Variants in SLC25A17 observed in about 807,000 individuals in gnomAD.
The protein encoded by SLC25A17 is solute carrier family 25 member 17.
A neutral mutation model predicts 38.5 loss-of-function variants in SLC25A17; 26 were observed. The observed-to-expected ratio is 0.68, with a 90% CI of 0.50 to 0.94. The LOEUF is 0.94. SLC25A17 is among the 40% of genes least tolerant of loss of function. The probability of loss-of-function intolerance (pLI) is 0.00; values close to 1 mark genes in which losing one functional copy is unlikely to be tolerated. For synonymous variants in SLC25A17, 139 were observed against 136.2 expected, an observed-to-expected ratio of 1.02 and a Z score of -0.14; for missense variants, 333 against 372.7, an observed-to-expected ratio of 0.89 and a Z score of 0.88.
chr22:40,817,017 C>A (rs1343680499), intron 1 of SLC25A17, among the ~76,000 whole-genome samples: 1 of 152,198 alleles, frequency 6.6e-6, no homozygotes, highest in Non-Finnish European at 1.5e-5. Context: ...ACATAGAATG[C>A]ACTCAATAAA....
At position 40,770,699 on chromosome 22, in the gene SLC25A17, C is replaced by T. The variant is rs913590523; in HGVS notation, c.*135G>A. On this transcript the variant is annotated 3_prime_UTR_variant, in exon 9 of 9. Coordinates refer to ENST00000435456, the MANE Select transcript of SLC25A17 (RefSeq NM_006358.4). ...TCCAGTTGGCCATACTCCCTGTGCACCCTTGGATGCTTTTCAAGCCAATGA... is the reference window on the plus strand; with the variant it reads ...TCCAGTTGGCCATACTCCCTGTGCATCCTTGGATGCTTTTCAAGCCAATGA... The T allele has an allele frequency of 3.3e-6, 3 of 905,414 alleles. No individual in the cohort carries two copies. The highest frequency in any genetic ancestry group is 4.7e-6 in the Non-Finnish European group (3 of 632,086). 56.1% of individuals were successfully genotyped at this position (905,414 alleles called of 1,614,324 possible). A position where few individuals can be genotyped will look rare whatever the true frequency, so the allele number is the denominator to read the frequency against.
intron 1 of SLC25A17, among the ~76,000 whole-genome samples, chr22:40,803,562 G>A (rs1293400076): frequency 6.6e-6 from 1 of 152,158 alleles, no homozygotes; most frequent in East Asian, 1.9e-4. Context: ...CTGTAGATAA[G>A]CATTGATTCC....
intron 7 of SLC25A17, among the ~76,000 whole-genome samples, chr22:40,775,896 G>A (rs1370792949): frequency 2.0e-5 from 3 of 152,180 alleles, no homozygotes; most frequent in African/African-American, 7.2e-5. Flanking sequence ...TGAAATGTGA[G>A]TCAATTAAAC....
At chr22:40,773,277 G>T (rs1172254119) in intron 8 of SLC25A17, among the ~76,000 whole-genome samples, 1 of 152,050 alleles carries the variant, frequency 6.6e-6, no homozygotes, top group Non-Finnish European at 1.5e-5. Context: ...AGGCGTGGTG[G>T]CAGGCGCCTG....
At position 40,819,186 on chromosome 22, in the gene SLC25A17, C is replaced by G. The variant is rs745657598; in HGVS notation, c.54+9G>C. 2.5e-6 allele frequency: 4 copies of G among 1,613,724 alleles called. No homozygotes were observed. In the South Asian group the frequency reaches 4.4e-5, roughly 18 times the overall value. On this transcript the variant is annotated intron_variant, in intron 1 of 8. Transcript: ENST00000435456. ...CCGTTGCGGCCCGGGCGTAAAGACC[C>G]CGTCTCACCACGGCTCCGGCCACGG...
chr22:40,782,558 G>A (rs1017044167), intron 4 of SLC25A17, among the ~76,000 whole-genome samples: 4 of 152,126 alleles, frequency 2.6e-5, no homozygotes, highest in East Asian at 1.9e-4. Context: ...CCTTTGTTAC[G>A]GAGAGAAAAC....
chr22:40,805,806 A>G (rs1602622983), intron 1 of SLC25A17, among the ~76,000 whole-genome samples: 1 of 152,356 alleles, frequency 6.6e-6, no homozygotes, highest in African/African-American at 2.4e-5. Context: ...CTACAGATCT[A>G]CAAGAACTAC....
chr22:40,794,955 G>A (rs1477050396), intron 2 of SLC25A17, among the ~76,000 whole-genome samples: 1 of 151,874 alleles, frequency 6.6e-6, no homozygotes, highest in African/African-American at 2.4e-5. Flanking sequence ...GTCTCACTAT[G>A]TTACCCAGGC....
intron 1 of SLC25A17, among the ~76,000 whole-genome samples, chr22:40,806,043 T>C (rs2057527049): frequency 6.6e-6 from 1 of 152,174 alleles, no homozygotes; most frequent in African/African-American, 2.4e-5. Context: ...GAACCTGACA[T>C]GCCAAAGGTG....
intron 1 of SLC25A17, among the ~76,000 whole-genome samples, chr22:40,801,128 C>CATATATATATATATATATATATATAT (rs60780380): frequency 9.9e-6 from 1 of 101,194 alleles, no homozygotes; most frequent in Non-Finnish European, 1.9e-5. Context: ...AAATATATTA[C>CATATATATATATATATATATATATAT]ATATATATAT....
intron 1 of SLC25A17, among the ~76,000 whole-genome samples, chr22:40,811,494 A>G (rs1263739755): frequency 6.6e-6 from 1 of 151,736 alleles, no homozygotes; most frequent in Admixed American, 6.6e-5. Context: ...CAGTGGTGCA[A>G]TCGTGGCTCA....
intron 1 of SLC25A17, among the ~76,000 whole-genome samples, chr22:40,812,406 C>T (rs2057591596): frequency 6.6e-6 from 1 of 152,108 alleles, no homozygotes; most frequent in Admixed American, 6.5e-5. Flanking sequence ...CTTGGTCCCC[C>T]CAGCGTGTGC....
intron 8 of SLC25A17, among the ~76,000 whole-genome samples, chr22:40,772,597 C>G (rs967346151): frequency 6.6e-6 from 1 of 152,064 alleles, no homozygotes; most frequent in African/African-American, 2.4e-5. Flanking sequence ...GCCACCACGC[C>G]CAGCCTAATT....
chr22:40,771,608 A>T (rs2057183798), intron 8 of SLC25A17, among the ~76,000 whole-genome samples: 1 of 152,216 alleles, frequency 6.6e-6, no homozygotes, highest in Non-Finnish European at 1.5e-5. Context: ...AACCAGGCAC[A>T]GAAAGACAAA....
At chr22:40,809,280 C>T (rs1878097135) in intron 1 of SLC25A17, among the ~76,000 whole-genome samples, 1 of 151,642 alleles carries the variant, frequency 6.6e-6, no homozygotes, top group South Asian at 2.1e-4. Flanking sequence ...CTGCTTGAGG[C>T]CAAGAGTTCA....
chr22:40,784,838 C>T (rs1284240876), intron 4 of SLC25A17, among the ~76,000 whole-genome samples: 2 of 150,882 alleles, frequency 1.3e-5, no homozygotes, highest in Non-Finnish European at 3.0e-5. Context: ...GAAGGTTTCT[C>T]AGTATATAGT....
chr22:40,796,615 CAAAAA>C (rs766239207), intron 2 of SLC25A17, among the ~76,000 whole-genome samples: 1 of 96,464 alleles, frequency 1.0e-5, no homozygotes, highest in Non-Finnish European at 2.3e-5. Flanking sequence ...GACTCTGTCT[CAAAAA>C]AAAAAAAAAA....
chr22:40,792,805 C>G, intron 3 of SLC25A17, 129 bp from the exon 4 acceptor site: 2 of 774,600 alleles, frequency 2.6e-6, no homozygotes, highest in Non-Finnish European at 4.1e-6. Context: ...ACAAGGGACT[C>G]CAAACTGTAC....
At chr22:40,776,914 ACAG>A in intron 7 of SLC25A17, 123 bp downstream of exon 7, 1 of 813,906 alleles carries the variant, frequency 1.2e-6, no homozygotes, top group South Asian at 1.8e-5. Flanking sequence ...AAGAAAAAAA[ACAG>A]ATAGGGAATA....
Sources: allele counts gnomAD v4.1 joint callset (sites outside exome capture counted in the v4.1 genomes callset), GRCh38; gene constraint gnomAD v4.1.1; transcripts MANE v1.5; gene names NCBI Gene and HGNC (gene_info 2026-07-23, HGNC 2026-07-21).